Variants in ATP2B2 observed in about 807,000 individuals in gnomAD.
ATP2B2 encodes the protein plasma membrane calcium-transporting ATPase 2.
Under a neutral mutation model 120.0 loss-of-function variants are expected in ATP2B2, and 15 were observed. The ratio of observed to expected loss-of-function variants is 0.12; its 90% CI spans 0.08 to 0.19. The LOEUF (loss-of-function observed/expected upper bound fraction) is 0.19. ATP2B2 is among the 10% of genes least tolerant of loss of function. ATP2B2 has a pLI of 1.00. For missense variants in ATP2B2, 1,045 were observed against 1,719.8 expected, an observed-to-expected ratio of 0.61 and a Z score of 6.94; for synonymous variants, 694 against 700.3, an observed-to-expected ratio of 0.99 and a Z score of 0.14.
At chr3:10,365,262 C>T (rs1211161276) in intron 12 of ATP2B2, among the ~76,000 whole-genome samples, 1 of 152,244 alleles carries the variant, frequency 6.6e-6, no homozygotes, top group African/African-American at 2.4e-5. Flanking sequence ...CACATCCCCA[C>T]CCCACCAATG....
At chr3:10,560,477 AG>A (rs1451968591) in intron 2 of ATP2B2, among the ~76,000 whole-genome samples, 14 of 144,320 alleles carry the variant, frequency 9.7e-5, no homozygotes, top group Non-Finnish European at 3.1e-5. Flanking sequence ...AATGCCCCAT[AG>A]CCCCAGCTGA....
At chr3:10,401,414 T>G (rs374904856) in intron 4 of ATP2B2, among the ~76,000 whole-genome samples, 3 of 152,220 alleles carry the variant, frequency 2.0e-5, no homozygotes, top group Non-Finnish European at 1.5e-5. Context: ...TCAGTTATGG[T>G]TTAGGGGAAA....
At chr3:10,453,675 C>A (rs925493931) in intron 1 of ATP2B2, among the ~76,000 whole-genome samples, 1 of 152,164 alleles carries the variant, frequency 6.6e-6, no homozygotes, top group Non-Finnish European at 1.5e-5. Flanking sequence ...GTGCTACCTG[C>A]GGAGTGGCTT....
chr3:10,465,272 A>G (rs2064687304), intron 1 of ATP2B2, among the ~76,000 whole-genome samples: 1 of 152,236 alleles, frequency 6.6e-6, no homozygotes, highest in African/African-American at 2.4e-5. Context: ...GGAGGTATTC[A>G]TGTCCAGCAG....
intron 1 of ATP2B2, among the ~76,000 whole-genome samples, chr3:10,485,911 C>G (rs566064277): frequency 2.0e-5 from 3 of 152,228 alleles, no homozygotes; most frequent in Admixed American, 6.5e-5. Flanking sequence ...CTCTGAGCAC[C>G]CACCCCACAA....
Position 10,342,412 on chromosome 3 carries a change from G to A in ATP2B2, c.2917+340C>T, listed in dbSNP as rs566258613. Among the ~76,000 whole-genome samples, 1 of 152,314 alleles carries A rather than the reference G, an allele frequency of 6.6e-6. No homozygotes were observed. Among genetic ancestry groups the A allele is most frequent in the South Asian group, 2.1e-4 (1 of 4,828 alleles). ...GGTGCTGGAATGGGTCAGAGAAGGG[G>A]TGAGTCACTCCCCTCCCAGCCTCAG... On this transcript the variant is annotated intron_variant, in intron 19 of 22. Coordinates refer to ENST00000360273, the MANE Select transcript of ATP2B2 (RefSeq NM_001001331.4). This position sits in a 1 kb window ranked among gnomAD's most constrained non-coding sequence, Gnocchi z 4.4.
In ATP2B2 at chr3:10,681,115, AG is replaced by A. The variant is rs2071372301; in HGVS notation, c.-460+26799del. ...GTCAGCTTCCTGAAGCCTCCCCAGA[AG>A]CTGAGCAGACATTAGCATCATGGTT... On this transcript the variant is annotated intron_variant, in intron 1 of 21. Coordinates refer to the ATP2B2 transcript ENST00000646379. 2.0e-5 allele frequency among the ~76,000 whole-genome samples: 3 copies of A among 152,298 alleles called. No homozygotes were observed. In the South Asian group the frequency reaches 6.2e-4, roughly 32 times the overall value.
chr3:10,352,116 C>T (rs1022141038), intron 14 of ATP2B2, among the ~76,000 whole-genome samples: 8 of 152,250 alleles, frequency 5.3e-5, no homozygotes, highest in African/African-American at 1.2e-4. Context: ...AACAAGGAAT[C>T]GGCCTTGACT....
chr3:10,646,928 C>T (rs559862488), intron 1 of ATP2B2, among the ~76,000 whole-genome samples: 2 of 152,320 alleles, frequency 1.3e-5, no homozygotes, highest in East Asian at 1.9e-4. Context: ...CATAATCATA[C>T]AAGGCAAGAA....
intron 1 of ATP2B2, among the ~76,000 whole-genome samples, chr3:10,641,009 T>G (rs886199829): frequency 7.2e-5 from 11 of 152,184 alleles, no homozygotes; most frequent in Non-Finnish European, 1.5e-4. Context: ...TGACCAACAG[T>G]GGGGGTGTGT....
chr3:10,704,459 G>T (rs62237053), intron 1 of ATP2B2, among the ~76,000 whole-genome samples: 4,648 of 152,180 alleles, frequency 0.031, 119 homozygotes, highest in Non-Finnish European at 0.045. Flanking sequence ...AAATAAAAAC[G>T]TGTAGCCCCC....
chr3:10,449,553 G>A lies in ATP2B2; in HGVS notation c.-10C>T, dbSNP rs757253011. On this transcript the variant is annotated 5_prime_UTR_variant, in exon 2 of 23. Transcript: ENST00000360273. ...TGGTCATGTCACCCATGTTTGCTGCGGTCCTTGCTCGGGCTGGGCCCAAGG... is the reference window on the plus strand; with the variant it reads ...TGGTCATGTCACCCATGTTTGCTGCAGTCCTTGCTCGGGCTGGGCCCAAGG... The A allele has an allele frequency of 1.5e-5, 25 of 1,614,080 alleles. No individual in the cohort carries two copies. The East Asian group carries it at 2.0e-4, about 13-fold the overall frequency.
intron 12 of ATP2B2, 126 bp from the exon 13 acceptor site, chr3:10,360,249 G>A: frequency 6.9e-7 from 1 of 1,439,440 alleles, no homozygotes; most frequent in Non-Finnish European, 9.1e-7. Flanking sequence ...GAGCCCTCAG[G>A]GAGCCCTTGG....
intron 2 of ATP2B2, among the ~76,000 whole-genome samples, chr3:10,585,513 A>AAAAAAAAAAAAAAAAAAC (rs2068489935): frequency 6.7e-6 from 1 of 150,100 alleles, no homozygotes; most frequent in African/African-American, 2.5e-5. Flanking sequence ...AAAAAAAAAA[A>AAAAAAAAAAAAAAAAAAC]AAAAGATCCA....
chr3:10,332,059 A>T, intron 22 of ATP2B2: 2 of 1,548,510 alleles, frequency 1.3e-6, no homozygotes, highest in Non-Finnish European at 1.7e-6. Context: ...AACACATGGA[A>T]TATTCAGACA....
rs372322662 is a variant in ATP2B2 at position 10,548,464 on chromosome 3, T to C, written c.-414-14331A>G. Reference sequence around the variant, plus strand: ...CGGGTGTTGGGAGTTGGTGTATAGATAGTGTATAGATATCCCAGCTCTGTT... The same window carrying C: ...CGGGTGTTGGGAGTTGGTGTATAGACAGTGTATAGATATCCCAGCTCTGTT... On this transcript the variant is annotated intron_variant, in intron 2 of 21. Coordinates refer to the ATP2B2 transcript ENST00000646379. Among the ~76,000 whole-genome samples the C allele has an allele frequency of 4.6e-4, 70 of 152,304 alleles. No individual in the cohort carries two copies. The South Asian group carries it at 0.013, about 28-fold the overall frequency.
In ATP2B2 at chr3:10,342,670, C is replaced by T. The variant is rs991802441; in HGVS notation, c.2917+82G>A. 29 of 1,520,688 alleles carry T rather than the reference C, an allele frequency of 1.9e-5. 1 individual carries two copies. The highest frequency in any genetic ancestry group is 8.2e-5 in the African/African-American group (6 of 72,808). 94.2% of individuals were successfully genotyped at this position (1,520,688 alleles called of 1,614,324 possible). A position where few individuals can be genotyped will look rare whatever the true frequency, so the allele number is the denominator to read the frequency against. ...AGCAAAACAGGAGGGGGTTGTGACTCGAGAATGCTGGGTGAGAGCCATGGT... is the reference window on the plus strand; with the variant it reads ...AGCAAAACAGGAGGGGGTTGTGACTTGAGAATGCTGGGTGAGAGCCATGGT... On this transcript the variant is annotated intron_variant, in intron 19 of 22. Transcript: ENST00000360273. The surrounding 1 kb of genome is among the most constrained non-coding windows in gnomAD (Gnocchi z 4.4).
chr3:10,542,850 C>G (rs950500517), intron 2 of ATP2B2, among the ~76,000 whole-genome samples: 1 of 152,102 alleles, frequency 6.6e-6, no homozygotes, highest in African/African-American at 2.4e-5. Context: ...GCTCAGCTTC[C>G]TGAATCTGTA....
intron 2 of ATP2B2, among the ~76,000 whole-genome samples, chr3:10,546,648 C>A (rs1296748899): frequency 1.3e-5 from 2 of 152,218 alleles, no homozygotes; most frequent in African/African-American, 4.8e-5. Context: ...CTCTTCTTCT[C>A]AGAGCTATAA....
Sources: allele counts gnomAD v4.1 joint callset (sites outside exome capture counted in the v4.1 genomes callset), GRCh38; gene constraint gnomAD v4.1.1; non-coding constraint Gnocchi (gnomAD v3.1); transcripts MANE v1.5; gene names NCBI Gene and HGNC (gene_info 2026-07-23, HGNC 2026-07-21).